The following UBE2K variants were observed in gnomAD, a reference collection of about 807,000 sequenced individuals.
UBE2K encodes ubiquitin-conjugating enzyme E2 K.
A neutral mutation model predicts 30.0 loss-of-function variants in UBE2K; 6 were observed. The ratio of observed to expected loss-of-function variants is 0.20; its 90% CI spans 0.11 to 0.39. The LOEUF is 0.39. Among genes scored for constraint, UBE2K ranks in the 10% least tolerant of loss-of-function variants. The probability of loss-of-function intolerance (pLI) is 1.00; values close to 1 mark genes in which losing one functional copy is unlikely to be tolerated. For missense variants in UBE2K, 61 were observed against 241.6 expected (o/e 0.25, Z 4.96); for synonymous variants, 86 against 83.7 (o/e 1.03, Z -0.15).
intron 4 of UBE2K, among the ~76,000 whole-genome samples, chr4:39,767,700 G>A (rs1712438954): frequency 6.6e-6 from 1 of 152,032 alleles, no homozygotes; most frequent in African/African-American, 2.4e-5. Flanking sequence ...ATAGTATGAA[G>A]GACTTGCAAG....
chr4:39,749,491 T>C (rs1359005372), intron 3 of UBE2K, among the ~76,000 whole-genome samples: 2 of 150,218 alleles, frequency 1.3e-5, no homozygotes, highest in East Asian at 3.9e-4. Flanking sequence ...CTGTCTCTAC[T>C]AAAAATGCCA....
intron 1 of UBE2K, among the ~76,000 whole-genome samples, chr4:39,733,051 GAAA>G (rs59978380): frequency 0.096 from 9,380 of 97,212 alleles, 787 homozygotes; most frequent in African/African-American, 0.28. Flanking sequence ...GGAACATCAG[GAAA>G]AAAAAAAAAA....
intron 1 of UBE2K, among the ~76,000 whole-genome samples, chr4:39,698,669 A>G (rs1717836377): frequency 6.6e-6 from 1 of 152,080 alleles, no homozygotes. Flanking sequence ...GAAGCTCACA[A>G]GAGAACCCGA....
chr4:39,702,917 C>T (rs575315073), intron 1 of UBE2K, among the ~76,000 whole-genome samples: 15 of 152,184 alleles, frequency 9.9e-5, no homozygotes, highest in African/African-American at 3.6e-4. Context: ...AGCCCCAGCG[C>T]ATGTCCCCAC....
At chr4:39,698,594 G>A (rs1359214331) in intron 1 of UBE2K, among the ~76,000 whole-genome samples, 3 of 152,110 alleles carry the variant, frequency 2.0e-5, no homozygotes, top group Non-Finnish European at 4.4e-5. Context: ...TCTCGCGGGC[G>A]GGTGGTCTGG....
chr4:39,777,021 G>A (rs952991550), intron 5 of UBE2K, among the ~76,000 whole-genome samples: 1 of 152,154 alleles, frequency 6.6e-6, no homozygotes, highest in African/African-American at 2.4e-5. Flanking sequence ...AAATATTAAA[G>A]TGAATTGAAT....
At chr4:39,766,631 G>A (rs533390632) in intron 4 of UBE2K, among the ~76,000 whole-genome samples, 66 of 152,210 alleles carry the variant, frequency 4.3e-4, no homozygotes, top group Non-Finnish European at 9.3e-4. Context: ...AGCTGGCATC[G>A]AACTCTTGGG....
chr4:39,768,731 G>T (rs1017635509), intron 4 of UBE2K, among the ~76,000 whole-genome samples: 15 of 152,118 alleles, frequency 9.9e-5, no homozygotes, highest in Non-Finnish European at 1.6e-4. Context: ...CATAATGGTT[G>T]TACTAATTTG....
At chr4:39,735,428 T>G (rs1720324326) in intron 1 of UBE2K, among the ~76,000 whole-genome samples, 2 of 152,318 alleles carry the variant, frequency 1.3e-5, no homozygotes, top group South Asian at 4.1e-4. Flanking sequence ...TCACCCAGGC[T>G]GGAGTGCAGT....
At position 39,710,950 on chromosome 4, in the gene UBE2K, T is replaced by C. The variant is rs79904812; in HGVS notation, c.63+12560T>C. Among the ~76,000 whole-genome samples, 1,132 of 152,134 alleles carry C rather than the reference T, an allele frequency of 7.4e-3. 15 individuals carry two copies. Among genetic ancestry groups the C allele is most frequent in the African/African-American group, 0.026 (1,074 of 41,544 alleles). ...TGTAAAACATAGAGGTAAAGCTCAC[T>C]GGATAACTTTTTTCTTATTCCATTT... On this transcript the variant is annotated intron_variant, in intron 1 of 6. Coordinates refer to ENST00000261427, the MANE Select transcript of UBE2K (RefSeq NM_005339.5).
chr4:39,704,114 G>A (rs879549323), intron 1 of UBE2K, among the ~76,000 whole-genome samples: 1 of 151,850 alleles, frequency 6.6e-6, no homozygotes, highest in Admixed American at 6.6e-5. Flanking sequence ...ACTAGAGGCA[G>A]GCGTGGTGGC....
chr4:39,766,708 C>T (rs1712362357), intron 4 of UBE2K, among the ~76,000 whole-genome samples: 1 of 151,968 alleles, frequency 6.6e-6, no homozygotes, highest in African/African-American at 2.4e-5. Flanking sequence ...ACCACACCAG[C>T]TTCACAGGAG....
intron 4 of UBE2K, among the ~76,000 whole-genome samples, chr4:39,773,273 T>G (rs1473593863): frequency 8.6e-5 from 13 of 150,566 alleles, no homozygotes; most frequent in Admixed American, 8.6e-4. Context: ...ATCAAGACCA[T>G]CCTGTGTCTC....
intron 4 of UBE2K, among the ~76,000 whole-genome samples, chr4:39,757,099 C>T (rs756171604): frequency 1.3e-4 from 18 of 142,796 alleles, no homozygotes; most frequent in Non-Finnish European, 2.7e-4. Flanking sequence ...GATCTTGGCT[C>T]ACTGCAACCT....
At chr4:39,724,266 C>A (rs746610214) in intron 1 of UBE2K, among the ~76,000 whole-genome samples, 8 of 151,972 alleles carry the variant, frequency 5.3e-5, no homozygotes, top group Non-Finnish European at 1.2e-4. Flanking sequence ...CACCACCACA[C>A]CTGGCTAATT....
intron 1 of UBE2K, among the ~76,000 whole-genome samples, chr4:39,716,776 T>C (rs1719089245): frequency 6.6e-6 from 1 of 151,950 alleles, no homozygotes; most frequent in Non-Finnish European, 1.5e-5. Flanking sequence ...GGCGGGTGGA[T>C]TGCCTGAGCT....
At chr4:39,706,962 A>G (rs1295134405) in intron 1 of UBE2K, among the ~76,000 whole-genome samples, 2 of 151,978 alleles carry the variant, frequency 1.3e-5, no homozygotes, top group African/African-American at 4.8e-5. Flanking sequence ...CCTGGAGTGC[A>G]GTGGCTTTAT....
chr4:39,764,637 A>G lies in UBE2K; in HGVS notation c.299+8898A>G, dbSNP rs141398918. ...ACTTTTTGTAGAGATGGGTCTTGCC[A>G]TGTTGCCCATGCTGGCTGGTACTCA... On this transcript the variant is annotated intron_variant, in intron 4 of 6. Transcript: ENST00000261427. 5.1e-3 allele frequency among the ~76,000 whole-genome samples: 779 copies of G among 152,048 alleles called. 5 individuals are homozygous for G. Among genetic ancestry groups the G allele is most frequent in the African/African-American group, 0.017 (693 of 41,460 alleles).
intron 3 of UBE2K, among the ~76,000 whole-genome samples, chr4:39,752,648 T>G (rs1198821790): frequency 2.6e-5 from 4 of 152,244 alleles, no homozygotes; most frequent in African/African-American, 7.2e-5. Flanking sequence ...CATTTTAAAG[T>G]TATAAAATGC....
Sources: allele counts gnomAD v4.1 joint callset (sites outside exome capture counted in the v4.1 genomes callset), GRCh38; gene constraint gnomAD v4.1.1; transcripts MANE v1.5; gene names NCBI Gene and HGNC (gene_info 2026-07-23, HGNC 2026-07-21).